The following AGBL2 variants were observed in gnomAD, a reference collection of about 807,000 sequenced individuals.
AGBL2 encodes cytosolic carboxypeptidase 2.
A neutral mutation model predicts 103.0 loss-of-function variants in AGBL2; 87 were observed. That is an observed-to-expected ratio of 0.84 (90% CI 0.71 to 1.01). AGBL2 has a LOEUF of 1.01. AGBL2 is among the 50% of genes least tolerant of loss of function. The probability of loss-of-function intolerance (pLI) is 0.00; values close to 1 mark genes in which losing one functional copy is unlikely to be tolerated. For missense variants in AGBL2, 904 were observed against 1,023.5 expected (o/e 0.88, Z 1.59); for synonymous variants, 335 against 356.7 (o/e 0.94, Z 0.69).
At chr11:47,691,526 T>G (rs2153804304) in intron 9 of AGBL2, among the ~76,000 whole-genome samples, 2 of 148,024 alleles carry the variant, frequency 1.4e-5, no homozygotes, top group South Asian at 4.4e-4. Context: ...GCTAACATGG[T>G]GAAATCCCGT....
At chr11:47,697,641 G>C (rs564557505) in intron 8 of AGBL2, among the ~76,000 whole-genome samples, 1 of 145,382 alleles carries the variant, frequency 6.9e-6, no homozygotes, top group African/African-American at 2.5e-5. Context: ...TGCCTCCCGG[G>C]TTCACGCCAT....
intron 3 of AGBL2, among the ~76,000 whole-genome samples, chr11:47,713,882 C>A (rs1449119821): frequency 6.6e-6 from 1 of 152,030 alleles, no homozygotes; most frequent in Non-Finnish European, 1.5e-5. Flanking sequence ...AGCCACCGTG[C>A]CCGGCCGCCA....
At chr11:47,668,985 T>C in intron 14 of AGBL2, 78 bp from the exon 15 acceptor site, 1 of 963,218 alleles carries the variant, frequency 1.0e-6, no homozygotes. Context: ...CCAGACCAGC[T>C]GTATGGGATT....
intron 17 of AGBL2, among the ~76,000 whole-genome samples, chr11:47,665,122 A>G (rs1598890012): frequency 1.3e-5 from 2 of 150,792 alleles, no homozygotes; most frequent in South Asian, 4.2e-4. Context: ...ATCTCAGCTC[A>G]CTGCAACCTC....
chr11:47,660,922 T>C (rs1409943070), intron 18 of AGBL2, among the ~76,000 whole-genome samples: 1 of 152,090 alleles, frequency 6.6e-6, no homozygotes, highest in Non-Finnish European at 1.5e-5. Flanking sequence ...TCTAGAAACA[T>C]TACACAAAAA....
At chr11:47,699,895 A>G (rs953698539) in intron 7 of AGBL2, among the ~76,000 whole-genome samples, 1 of 151,982 alleles carries the variant, frequency 6.6e-6, no homozygotes, top group Non-Finnish European at 1.5e-5. Flanking sequence ...CATTAACATA[A>G]TTTTTTTTAT....
intron 14 of AGBL2, among the ~76,000 whole-genome samples, chr11:47,676,086 C>T (rs1214207164): frequency 3.9e-5 from 6 of 151,998 alleles, no homozygotes; most frequent in Non-Finnish European, 8.8e-5. Flanking sequence ...CCCATATAGC[C>T]TACTGCTTGT....
intron 3 of AGBL2, among the ~76,000 whole-genome samples, chr11:47,711,678 C>T (rs565426276): frequency 5.9e-5 from 9 of 152,284 alleles, no homozygotes; most frequent in African/African-American, 1.4e-4. Context: ...GGATTACAGG[C>T]GTGCAACACC....
At chr11:47,677,200 A>G (rs949248769) in intron 14 of AGBL2, 71 bp downstream of exon 14, 5 of 1,275,580 alleles carry the variant, frequency 3.9e-6, no homozygotes, top group Admixed American at 2.8e-5. Flanking sequence ...TAGAGACAAC[A>G]TCTCACTATA....
chr11:47,687,976 T>G (rs1423648764), intron 10 of AGBL2, among the ~76,000 whole-genome samples: 1 of 151,620 alleles, frequency 6.6e-6, no homozygotes, highest in African/African-American at 2.4e-5. Flanking sequence ...CCAGGCTAAT[T>G]TTTGTATTTT....
chr11:47,677,885 G>A (rs1206965801), intron 13 of AGBL2, among the ~76,000 whole-genome samples: 2 of 152,120 alleles, frequency 1.3e-5, no homozygotes, highest in Non-Finnish European at 2.9e-5. Flanking sequence ...ATGAGCGGGA[G>A]GAACAAATAG....
chr11:47,687,156 A>AT (rs2097427338), intron 10 of AGBL2, among the ~76,000 whole-genome samples: 1 of 151,100 alleles, frequency 6.6e-6, no homozygotes, highest in South Asian at 2.1e-4. Context: ...TAAATAAATA[A>AT]TAAAAAAAAA....
Position 47,662,476 on chromosome 11 carries a change from G to T in AGBL2, c.2535+550C>A, listed in dbSNP as rs535184977. On this transcript the variant is annotated intron_variant, in intron 18 of 18. Coordinates refer to ENST00000525123, the MANE Select transcript of AGBL2 (RefSeq NM_024783.4). ...ATTACAGGTGTGAGCCACTGCACCT[G>T]ACCAAACTTACTCGTTCACTTTTTT... is the stretch of plus-strand genomic sequence containing the variant. 5.1e-5 allele frequency among the ~76,000 whole-genome samples: 7 copies of T among 138,608 alleles called. No homozygotes were observed. In the East Asian group the frequency reaches 1.1e-3, roughly 22 times the overall value. 90.9% of individuals were successfully genotyped at this position (138,608 alleles called of 152,430 possible). A position where few individuals can be genotyped will look rare whatever the true frequency, so the allele number is the denominator to read the frequency against.
intron 13 of AGBL2, among the ~76,000 whole-genome samples, chr11:47,679,048 G>A (rs1292325049): frequency 2.1e-5 from 2 of 96,022 alleles, no homozygotes; most frequent in Non-Finnish European, 3.7e-5. Flanking sequence ...GACAGATGGA[G>A]ACCCTGTCTC....
intron 14 of AGBL2, among the ~76,000 whole-genome samples, chr11:47,673,424 G>A (rs562940993): frequency 6.6e-6 from 1 of 151,910 alleles, no homozygotes; most frequent in Admixed American, 6.6e-5. Context: ...TCGGGAGTTC[G>A]AGACCAGCCT....
rs1231810002 is a variant in AGBL2, at chr11:47,684,507, G to C, written c.1788+1386C>G. ...GGAGATGGAGGTTGCAGTGAGCCGA[G>C]ATCGCGCCACTGCACTCCATCCTGG... On this transcript the variant is annotated intron_variant, in intron 11 of 18. Coordinates refer to ENST00000525123, the MANE Select transcript of AGBL2 (RefSeq NM_024783.4). 5.3e-4 allele frequency among the ~76,000 whole-genome samples: 80 copies of C among 150,082 alleles called. 1 individual carries two copies. Among genetic ancestry groups the C allele is most frequent in the African/African-American group, 1.6e-3 (67 of 40,698 alleles).
intron 11 of AGBL2, among the ~76,000 whole-genome samples, chr11:47,683,141 C>T (rs1024446057): frequency 5.3e-5 from 8 of 151,668 alleles, no homozygotes; most frequent in Admixed American, 6.6e-5. Flanking sequence ...GAGGCCGAGA[C>T]GGCCCAATCA....
chr11:47,692,343 C>T (rs1224060804), intron 8 of AGBL2, 87 bp from the exon 9 acceptor site: 8 of 889,704 alleles, frequency 9.0e-6, no homozygotes, highest in Non-Finnish European at 1.2e-5. Context: ...AAGTGGTCAA[C>T]ACTATTCTAG....
rs770558414 is a variant in AGBL2, at chr11:47,710,400, G to T, written c.209C>A (p.Thr70Asn). Reference sequence around the variant, plus strand: ...ACATAGAAGCTTCTCCTTTTGCAGGGTGTCTGGTATCAAATCATCTTTTTC... The same window carrying T: ...ACATAGAAGCTTCTCCTTTTGCAGGTTGTCTGGTATCAAATCATCTTTTTC... ...LGEKDDLIPD[T>N]LQKEKLLWPI... is the part of the protein sequence containing the mutation. Residue 70 changes from threonine (T) to asparagine (N), a missense_variant, in exon 4 of 19, where the codon ACC becomes AAC. Transcript: ENST00000525123. 1 of 1,613,994 alleles carries T rather than the reference G, an allele frequency of 6.2e-7. No individual in the cohort carries two copies. The highest frequency in any genetic ancestry group is 1.3e-5 in the African/African-American group (1 of 74,900).
Sources: gnomAD v4.1 joint callset for allele counts (sites outside exome capture counted in the v4.1 genomes callset) on GRCh38, gnomAD v4.1.1 for gene constraint, MANE v1.5 for transcripts, NCBI Gene and HGNC (gene_info 2026-07-23, HGNC 2026-07-21) for gene names.